The following PFKFB3 variants were observed in gnomAD, a reference collection of about 807,000 sequenced individuals.
PFKFB3 encodes the protein 6-phosphofructo-2-kinase/fructose-2,6-biphosphatase 3.
A neutral mutation model predicts 68.0 loss-of-function variants in PFKFB3; 33 were observed. That is an observed-to-expected ratio of 0.49 (90% CI 0.37 to 0.65). The LOEUF (loss-of-function observed/expected upper bound fraction) is 0.65, where lower values mean the gene tolerates loss of function less well. PFKFB3 is among the 30% of genes least tolerant of loss of function. The probability of loss-of-function intolerance (pLI) is 0.00; values close to 1 mark genes in which losing one functional copy is unlikely to be tolerated. For missense variants in PFKFB3, 586 were observed against 712.2 expected, an observed-to-expected ratio of 0.82 and a Z score of 2.02; for synonymous variants, 315 against 288.2, an observed-to-expected ratio of 1.09 and a Z score of -0.94.
upstream of PFKFB3, among the ~76,000 whole-genome samples, chr10:6,201,722 T>C (rs527512643): frequency 6.6e-6 from 1 of 152,114 alleles, no homozygotes; most frequent in East Asian, 1.9e-4. This position sits in a 1 kb window ranked among gnomAD's most constrained non-coding sequence, Gnocchi z 4.1. Context: ...TTCCCTCCAA[T>C]CACAGCCCAG....
At chr10:6,298,799 C>G in the PFKFB3 span, among the ~76,000 whole-genome samples, 26 of 152,326 alleles carry the variant, frequency 1.7e-4, no homozygotes, top group South Asian at 5.4e-3. Context: ...CACCCCAACG[C>G]AGGTGCTCCC....
intron 1 of PFKFB3, among the ~76,000 whole-genome samples, chr10:6,145,313 C>A (rs1157499222): frequency 2.6e-5 from 4 of 152,070 alleles, no homozygotes; most frequent in Admixed American, 2.6e-4. Context: ...GTCTCCTTTC[C>A]GGCCCCGCGT....
At chr10:6,209,516 C>T (rs1785596241) in intron 1 of PFKFB3, among the ~76,000 whole-genome samples, 1 of 151,912 alleles carries the variant, frequency 6.6e-6, no homozygotes, top group Non-Finnish European at 1.5e-5. Context: ...CTCTGTTTCC[C>T]AGGCTGGAGT....
At chr10:6,260,800 A>G in the PFKFB3 span, among the ~76,000 whole-genome samples, 2 of 152,092 alleles carry the variant, frequency 1.3e-5, no homozygotes, top group African/African-American at 2.4e-5. Context: ...GTATTTGGTC[A>G]TGTGTGTTTT....
intron 1 of PFKFB3, among the ~76,000 whole-genome samples, chr10:6,155,625 C>A (rs901009758): frequency 2.0e-5 from 3 of 152,162 alleles, no homozygotes; most frequent in African/African-American, 7.2e-5. Flanking sequence ...CATGGACCCC[C>A]ACTCCAGGAA....
At chr10:6,190,576 G>A (rs1842995616) in intron 1 of PFKFB3, among the ~76,000 whole-genome samples, 2 of 152,088 alleles carry the variant, frequency 1.3e-5, no homozygotes, top group Admixed American at 1.3e-4. Context: ...TGAGGCAGGG[G>A]GGACTGCTTG....
chr10:6,217,145 T>A lies in PFKFB3; in HGVS notation c.452T>A (p.Ile151Asn). 6.2e-7 allele frequency: 1 copy of A among 1,614,182 alleles called. No individual in the cohort carries two copies. The change falls in exon 6 of 15, where the codon ATC (isoleucine) becomes AAC (asparagine). Residue 151 changes from isoleucine to asparagine, a missense_variant. Physicochemically the swap from Ile to Asn is moderately radical, Grantham distance 149. Coordinates refer to ENST00000379775, the MANE Select transcript of PFKFB3 (RefSeq NM_004566.4). ...AKENDFKAFF[I>N]ESVCDDPTVV... ...CCTCACTTCCACCAGGCGTTTTTCA[T>A]CGAGTCGGTGTGCGACGACCCTACA... is the stretch of plus-strand genomic sequence containing the variant.
At position 6,213,719 on chromosome 10, in the gene PFKFB3, A is replaced by T; in HGVS notation, c.173A>T (p.Tyr58Phe). ...KTYISKKLTR[Y>F]LNWIGVPTKV... is the part of the protein sequence containing the mutation. The stretch of plus-strand genomic sequence containing the variant: ...TACATCTCCAAGAAGCTGACTCGCT[A>T]CCTCAACTGGATTGGCGTCCCCACA... The change falls in exon 2 of 15, where the codon TAC becomes TTC. Residue 58 changes from tyrosine (Y) to phenylalanine (F), a missense_variant. By Grantham distance (22) the Tyr-to-Phe change is conservative. Coordinates refer to ENST00000379775, the MANE Select transcript of PFKFB3 (RefSeq NM_004566.4). The T allele has an allele frequency of 6.2e-7, 1 of 1,613,214 alleles. No homozygotes were observed. The highest frequency in any genetic ancestry group is 1.3e-5 in the African/African-American group (1 of 74,984).
At chr10:6,205,106 T>C (rs1468124925) in intron 1 of PFKFB3, among the ~76,000 whole-genome samples, 2 of 152,262 alleles carry the variant, frequency 1.3e-5, no homozygotes, top group Non-Finnish European at 2.9e-5. Flanking sequence ...GGTGGGAATT[T>C]GGCTAAAGCC....
Position 6,220,897 on chromosome 10 carries a change from G to T in PFKFB3, c.831+32G>T. The T allele has an allele frequency of 6.3e-7, 1 of 1,599,546 alleles. No individual in the cohort carries two copies. ...GGTGTGCTGCCGCATGGGCCGTTCT[G>T]GCTGTAGGGCGGTTGCAGGGTCTAT... On this transcript the variant is annotated intron_variant, in intron 8 of 14. Transcript: ENST00000379775. This position sits in a 1 kb window ranked among gnomAD's most constrained non-coding sequence, Gnocchi z 4.1.
At position 6,215,759 on chromosome 10, in the gene PFKFB3, C is replaced by T; in HGVS notation, c.300-366C>T. On this transcript the variant is annotated intron_variant, in intron 3 of 14. Transcript: ENST00000379775. This position sits in a 1 kb window ranked among gnomAD's most constrained non-coding sequence, Gnocchi z 4.3. The stretch of plus-strand genomic sequence containing the variant: ...TGTGAAACCCTAGTGCAAGGGTGTT[C>T]AGCCCCGGCTGTATGCTGGAGTCTC... Among the ~76,000 whole-genome samples, 1 of 152,316 alleles carries T rather than the reference C, an allele frequency of 6.6e-6. No homozygotes were observed. Among genetic ancestry groups the T allele is most frequent in the African/African-American group, 2.4e-5 (1 of 41,568 alleles).
At chr10:6,146,604 G>C in intron 1 of PFKFB3, 2 of 1,132,520 alleles carry the variant, frequency 1.8e-6, no homozygotes, top group Non-Finnish European at 2.5e-6. Context: ...TGACTTCATC[G>C]CTTCTGCCCA....
intron 14 of PFKFB3, chr10:6,231,126 C>G (rs1588545534): frequency 2.9e-6 from 2 of 699,954 alleles, no homozygotes; most frequent in African/African-American, 3.5e-5. Context: ...TGCTTGGGAT[C>G]GAGAGATCAC....
In PFKFB3 at chr10:6,228,811, A is replaced by C. The variant is rs73615892; in HGVS notation, c.1515+2446A>C. Among the ~76,000 whole-genome samples, 1,060 of 152,302 alleles carry C rather than the reference A, an allele frequency of 7.0e-3. 10 individuals carry two copies. The highest frequency in any genetic ancestry group is 0.024 in the African/African-American group (1,012 of 41,554). On this transcript the variant is annotated intron_variant, in intron 14 of 14. Transcript: ENST00000379775. This position sits in a 1 kb window ranked among gnomAD's most constrained non-coding sequence, Gnocchi z 4.5. ...GTTTGTCCTGGGTTGGAGCCTGCTC[A>C]GCGTCATAGTCACGCCCGGGGCTGG... is the stretch of plus-strand genomic sequence containing the variant.
intron 1 of PFKFB3, among the ~76,000 whole-genome samples, chr10:6,170,685 AGTATGGAGGTGGGGACAGG>A (rs3834900): frequency 0.61 from 92,877 of 151,770 alleles, 31,262 homozygotes; most frequent in Non-Finnish European, 0.78. Flanking sequence ...AGGTGAGGAC[AGTATGGAGGTGGGGACAGG>A]GTATGGAGGT....
chr10:6,287,934 T>C, the PFKFB3 span, among the ~76,000 whole-genome samples: 141 of 152,284 alleles, frequency 9.3e-4, no homozygotes, highest in African/African-American at 3.1e-3. Context: ...AAAAACTTCT[T>C]TTAATATTTC....
chr10:6,180,674 A>G (rs1842687409), intron 1 of PFKFB3, among the ~76,000 whole-genome samples: 1 of 152,184 alleles, frequency 6.6e-6, no homozygotes, highest in African/African-American at 2.4e-5. Flanking sequence ...TATGTTGTCC[A>G]GGCTGGTCTC....
At chr10:6,145,146 G>C (rs915619898) in intron 1 of PFKFB3, 12 of 651,556 alleles carry the variant, frequency 1.8e-5, no homozygotes, top group Non-Finnish European at 2.6e-5. Flanking sequence ...GGTGCCGCCC[G>C]GGGCCAAGCG....
upstream of PFKFB3, among the ~76,000 whole-genome samples, chr10:6,198,263 A>AAAAAG (rs1268260480): frequency 6.0e-5 from 9 of 150,830 alleles, no homozygotes; most frequent in African/African-American, 9.7e-5. Flanking sequence ...AAAAAAAAAG[A>AAAAAG]AAAAGAAAAG....
Sources: allele counts gnomAD v4.1 joint callset (sites outside exome capture counted in the v4.1 genomes callset), GRCh38; gene constraint gnomAD v4.1.1; non-coding constraint Gnocchi (gnomAD v3.1); transcripts MANE v1.5; gene names NCBI Gene and HGNC (gene_info 2026-07-23, HGNC 2026-07-21).